The following ADGRF1 variants were observed in gnomAD, a reference collection of about 807,000 sequenced individuals.
ADGRF1 encodes adhesion G protein-coupled receptor F1.
Under a neutral mutation model 87.2 loss-of-function variants are expected in ADGRF1, and 85 were observed. That is an observed-to-expected ratio of 0.97 (90% CI 0.82 to 1.17). ADGRF1 has a LOEUF of 1.17. ADGRF1 is among the 50% of genes most tolerant of loss of function. The probability of loss-of-function intolerance (pLI) is 0.00; values close to 1 mark genes in which losing one functional copy is unlikely to be tolerated. For synonymous variants in ADGRF1, 430 were observed against 408.8 expected (o/e 1.05, Z -0.63); for missense variants, 1,169 against 1,077.2 (o/e 1.09, Z -1.19).
intron 14 of ADGRF1, among the ~76,000 whole-genome samples, chr6:47,000,725 C>A (rs1417634097): frequency 6.6e-6 from 1 of 152,184 alleles, no homozygotes; most frequent in Non-Finnish European, 1.5e-5. Context: ...TCTCCAGACA[C>A]TTGAACTTTA....
intron 1 of ADGRF1, among the ~76,000 whole-genome samples, chr6:47,029,666 T>A (rs567386714): frequency 1.3e-5 from 2 of 152,332 alleles, no homozygotes; most frequent in Admixed American, 6.5e-5. Flanking sequence ...GATTAATCAC[T>A]TATACCCAGG....
intron 10 of ADGRF1, among the ~76,000 whole-genome samples, chr6:47,011,383 T>G (rs747538154): frequency 2.6e-5 from 4 of 152,250 alleles, no homozygotes; most frequent in Admixed American, 6.5e-5. Flanking sequence ...ACATATAAAA[T>G]GTATACACCC....
chr6:47,016,209 A>C (rs529677582), intron 8 of ADGRF1, among the ~76,000 whole-genome samples: 2 of 151,302 alleles, frequency 1.3e-5, no homozygotes, highest in East Asian at 3.9e-4. Context: ...CTGAAGAAAA[A>C]CAGTTTGTGT....
rs547665677 is a variant in ADGRF1, at chr6:47,018,681, G to C, written c.612-1913C>G. 2.3e-4 allele frequency: 243 copies of C among 1,035,738 alleles called. No homozygotes were observed. The African/African-American group carries it at 2.5e-3, about 11-fold the overall frequency. The allele number at this position is 1,035,738 out of a possible 1,614,324, so 64.2% of individuals were successfully genotyped here. ...AATCCCAGCACTTTGGGAGGCCAAG[G>C]TGTGTGGGTCATTTGAGGCCAGGAG... On this transcript the variant is annotated intron_variant, in intron 7 of 14. Coordinates refer to ENST00000371253, the MANE Select transcript of ADGRF1 (RefSeq NM_153840.4).
chr6:47,009,813 T>C lies in ADGRF1; in HGVS notation c.1622A>G (p.His541Arg), dbSNP rs763503923. The C allele has an allele frequency of 6.4e-5, 103 of 1,613,974 alleles. No homozygotes were observed. Among genetic ancestry groups the C allele is most frequent in the Non-Finnish European group, 8.5e-5 (100 of 1,180,010 alleles). The change falls in exon 11 of 15, where the codon CAT becomes CGT. Residue 541 changes from histidine to arginine, a missense_variant. His to Arg is a conservative substitution (Grantham distance 29). Coordinates refer to ENST00000371253, the MANE Select transcript of ADGRF1 (RefSeq NM_153840.4). ...GCAGCCTGCATCGTTCCACTGCAAATGACTGAAATCCCAAAACACACAATG... is the reference window on the plus strand; with the variant it reads ...GCAGCCTGCATCGTTCCACTGCAAACGACTGAAATCCCAAAACACACAATG... Reference protein sequence around the residue: ...QPHCVFWDFSHLQWNDAGCHL... With the variant: ...QPHCVFWDFSRLQWNDAGCHL...
intron 1 of ADGRF1, among the ~76,000 whole-genome samples, chr6:47,033,705 G>C (rs1780502651): frequency 6.6e-6 from 1 of 152,222 alleles, no homozygotes; most frequent in Non-Finnish European, 1.5e-5. Context: ...TAAAACCTTG[G>C]TTTTGCTTTA....
At chr6:47,037,790 GGTATGAGCCACGACA>G (rs1780631958) in intron 1 of ADGRF1, among the ~76,000 whole-genome samples, 1 of 152,142 alleles carries the variant, frequency 6.6e-6, no homozygotes, top group Admixed American at 6.6e-5. Flanking sequence ...TGAGATTTCA[GGTATGAGCCACGACA>G]CTCAGCCCCA....
chr6:47,035,861 T>C (rs1191665026), intron 1 of ADGRF1, among the ~76,000 whole-genome samples: 2 of 152,124 alleles, frequency 1.3e-5, no homozygotes, highest in Non-Finnish European at 2.9e-5. Context: ...TGGGTACACA[T>C]GAACGTAAAG....
chr6:47,026,938 A>G (rs78560574), intron 3 of ADGRF1, among the ~76,000 whole-genome samples: 1 of 152,176 alleles, frequency 6.6e-6, no homozygotes, highest in South Asian at 2.1e-4. Flanking sequence ...TCAGGGGTTA[A>G]TGGCACTGGT....
chr6:47,009,573 T>C lies in ADGRF1; in HGVS notation c.1862A>G (p.His621Arg), dbSNP rs367711868. 5.0e-6 allele frequency: 8 copies of C among 1,613,942 alleles called. No individual in the cohort carries two copies. In the African/African-American group the frequency reaches 1.1e-4, roughly 22 times the overall value. Residue 621 changes from histidine to arginine, a missense_variant, in exon 11 of 15, where the codon CAC (histidine) becomes CGC (arginine). His to Arg is a conservative substitution (Grantham distance 29). Transcript: ENST00000371253. ...WKQIKKSQTS[H>R]TRRICMVNIA... ...GTTCACCATGCAAATACGACGTGTGTGAGAGGTTTGGCTTTTTTTAATCTG... is the reference window on the plus strand; with the variant it reads ...GTTCACCATGCAAATACGACGTGTGCGAGAGGTTTGGCTTTTTTTAATCTG...
intron 9 of ADGRF1, chr6:47,014,383 G>C (rs1171270274): frequency 3.7e-6 from 4 of 1,069,128 alleles, no homozygotes; most frequent in African/African-American, 3.3e-5. Flanking sequence ...GGCCAGCTTA[G>C]TTGCTGCTCT....
intron 6 of ADGRF1, among the ~76,000 whole-genome samples, chr6:47,021,017 C>T (rs1223270069): frequency 6.6e-6 from 1 of 152,124 alleles, no homozygotes; most frequent in Non-Finnish European, 1.5e-5. Context: ...TAAAATGTAC[C>T]TTTGAGATTG....
At chr6:47,040,343 A>G (rs1366797654) in intron 1 of ADGRF1, among the ~76,000 whole-genome samples, 1 of 151,290 alleles carries the variant, frequency 6.6e-6, no homozygotes, top group Non-Finnish European at 1.5e-5. Flanking sequence ...ATGGTGGTGG[A>G]TGCCTGTAGT....
chr6:47,015,968 C>G (rs754233817), intron 8 of ADGRF1, among the ~76,000 whole-genome samples: 1 of 151,892 alleles, frequency 6.6e-6, no homozygotes, highest in Non-Finnish European at 1.5e-5. Context: ...GAACTCTTGA[C>G]CTAAAGTCAT....
chr6:47,007,543 G>T (rs1036607851), intron 11 of ADGRF1, among the ~76,000 whole-genome samples: 1 of 152,172 alleles, frequency 6.6e-6, no homozygotes, highest in African/African-American at 2.4e-5. Context: ...ATGAAGTTTT[G>T]CATGTGGAGC....
intron 1 of ADGRF1, among the ~76,000 whole-genome samples, chr6:47,040,297 C>G (rs1780699490): frequency 6.6e-6 from 1 of 151,774 alleles, no homozygotes; most frequent in Non-Finnish European, 1.5e-5. Context: ...ACAATGAAAC[C>G]CTGTCTCTAA....
At chr6:47,010,516 A>C (rs1183646892) in intron 10 of ADGRF1, among the ~76,000 whole-genome samples, 198 bp from the exon 11 acceptor site, 1 of 152,228 alleles carries the variant, frequency 6.6e-6, no homozygotes, top group Non-Finnish European at 1.5e-5. Flanking sequence ...TTGGGTCAGC[A>C]GAATCATGTA....
intron 10 of ADGRF1, among the ~76,000 whole-genome samples, chr6:47,011,800 C>T (rs949268438): frequency 2.6e-5 from 4 of 152,198 alleles, no homozygotes; most frequent in African/African-American, 7.2e-5. Context: ...GCCCAGGTAA[C>T]CTGCATAAGA....
intron 1 of ADGRF1, among the ~76,000 whole-genome samples, chr6:47,029,983 G>A (rs1780361461): frequency 1.3e-5 from 2 of 152,240 alleles, no homozygotes; most frequent in Admixed American, 1.3e-4. Context: ...CACAGGAGAA[G>A]ATGAGAAAGT....
Sources: gnomAD v4.1 joint callset for allele counts (sites outside exome capture counted in the v4.1 genomes callset) on GRCh38, gnomAD v4.1.1 for gene constraint, MANE v1.5 for transcripts, NCBI Gene and HGNC (gene_info 2026-07-23, HGNC 2026-07-21) for gene names.